The following PCDH7 variants were observed in gnomAD, a reference collection of about 807,000 sequenced individuals.
The protein encoded by PCDH7 is protocadherin-7.
PCDH7 carries 17 observed loss-of-function variants against 58.9 expected under a neutral mutation model. That is an observed-to-expected ratio of 0.29 (90% CI 0.20 to 0.43). The LOEUF (loss-of-function observed/expected upper bound fraction) is 0.43, where lower values mean the gene tolerates loss of function less well. Ranked by LOEUF, PCDH7 falls within the 20% of genes least tolerant of loss-of-function variation. The probability of loss-of-function intolerance (pLI) is 1.00; values close to 1 mark genes in which losing one functional copy is unlikely to be tolerated. For synonymous variants in PCDH7, 664 were observed against 616.4 expected (o/e 1.08, Z -1.14); for missense variants, 1,274 against 1,441.0 (o/e 0.88, Z 1.88).
Position 30,722,475 on chromosome 4 carries a change from C to T in PCDH7, c.1053C>T (p.Thr351=). Reference sequence around the variant, plus strand: ...TCGAATACGTGTTCGGGGCGGCCACCGAGTCGGTGAGGCGGCTGCTGCGCC... The same window carrying T: ...TCGAATACGTGTTCGGGGCGGCCACTGAGTCGGTGAGGCGGCTGCTGCGCC... Residue 351 remains threonine, a synonymous_variant, in exon 1 of 2, where the codon ACC becomes ACT. Coordinates refer to ENST00000361762, the Ensembl canonical transcript of PCDH7. The surrounding 1 kb of genome is among the most constrained non-coding windows in gnomAD (Gnocchi z 7.6). 1 of 1,609,618 alleles carries T rather than the reference C, an allele frequency of 6.2e-7. No homozygotes were observed. The highest frequency in any genetic ancestry group is 8.5e-7 in the Non-Finnish European group (1 of 1,178,360).
intron 1 of PCDH7, among the ~76,000 whole-genome samples, chr4:30,863,339 G>A (rs1199373656): frequency 6.6e-6 from 1 of 151,914 alleles, no homozygotes; most frequent in East Asian, 1.9e-4. Flanking sequence ...TTGCCTCCAG[G>A]GAAACATTTG....
intron 1 of PCDH7, among the ~76,000 whole-genome samples, chr4:30,852,829 GAAAAAAAA>G (rs58210433): frequency 1.3e-5 from 1 of 74,610 alleles, no homozygotes; most frequent in African/African-American, 4.8e-5. Flanking sequence ...TCAAGCACAG[GAAAAAAAA>G]AAAAAAAAAA....
chr4:30,953,901 T>A (rs1306327012), intron 3 of PCDH7, among the ~76,000 whole-genome samples: 1 of 152,114 alleles, frequency 6.6e-6, no homozygotes, highest in Non-Finnish European at 1.5e-5. Context: ...AAAACAAAAA[T>A]TATTTTTTCA....
At chr4:30,977,755 A>G (rs1478958710) in intron 3 of PCDH7, among the ~76,000 whole-genome samples, 1 of 151,944 alleles carries the variant, frequency 6.6e-6, no homozygotes, top group Admixed American at 6.6e-5. Context: ...GCTCTTTATC[A>G]CTCAGCCTAA....
At chr4:30,852,108 T>A (rs1367769491) in intron 1 of PCDH7, among the ~76,000 whole-genome samples, 2 of 152,128 alleles carry the variant, frequency 1.3e-5, no homozygotes, top group East Asian at 1.9e-4. Context: ...TATTTTCTTA[T>A]GTAAGAAGGA....
At chr4:31,009,046 A>G (rs1752986698) in intron 3 of PCDH7, among the ~76,000 whole-genome samples, 1 of 152,154 alleles carries the variant, frequency 6.6e-6, no homozygotes, top group South Asian at 2.1e-4. Context: ...CAGGATAAAG[A>G]GAAATTTGGA....
At chr4:31,129,701 C>T (rs1242239237) in intron 3 of PCDH7, among the ~76,000 whole-genome samples, 2 of 152,026 alleles carry the variant, frequency 1.3e-5, no homozygotes, top group Admixed American at 6.6e-5. Context: ...GGTGCAATCT[C>T]GGCTCACTGC....
intron 3 of PCDH7, among the ~76,000 whole-genome samples, chr4:31,138,792 T>C (rs569039189): frequency 6.6e-6 from 1 of 152,066 alleles, no homozygotes; most frequent in East Asian, 1.9e-4. Flanking sequence ...GTCAACATGG[T>C]GAAACCCCAT....
intron 3 of PCDH7, among the ~76,000 whole-genome samples, chr4:31,052,209 T>C (rs1490823841): frequency 6.6e-6 from 1 of 152,180 alleles, no homozygotes. Flanking sequence ...TTATCGACTT[T>C]AGTTTAAACA....
intron 1 of PCDH7, among the ~76,000 whole-genome samples, chr4:30,820,242 G>C (rs999161434): frequency 6.6e-6 from 1 of 152,154 alleles, no homozygotes; most frequent in African/African-American, 2.4e-5. Context: ...GTGTGTGAGA[G>C]AAAGTCCTTG....
chr4:31,144,983 A>G (rs529263696), downstream of PCDH7: 1 of 152,250 alleles, frequency 6.6e-6, no homozygotes, highest in Non-Finnish European at 1.5e-5. Context: ...ATACTTATGA[A>G]ATGTATACAC....
chr4:31,009,177 T>C (rs1481688921), intron 3 of PCDH7, among the ~76,000 whole-genome samples: 4 of 152,114 alleles, frequency 2.6e-5, no homozygotes, highest in Non-Finnish European at 4.4e-5. Context: ...GTTTTATTTA[T>C]TGTAAATGTA....
At chr4:30,890,777 T>G (rs1407978519) in intron 1 of PCDH7, among the ~76,000 whole-genome samples, 1 of 152,160 alleles carries the variant, frequency 6.6e-6, no homozygotes, top group Non-Finnish European at 1.5e-5. Context: ...CTATTATTTC[T>G]AAGGGTATAT....
At chr4:31,084,809 G>T (rs1267765499) in intron 3 of PCDH7, among the ~76,000 whole-genome samples, 1 of 148,964 alleles carries the variant, frequency 6.7e-6, no homozygotes, top group African/African-American at 2.5e-5. Context: ...GAGACTAGAG[G>T]AGAGGCACCA....
chr4:30,871,065 C>T (rs1404932263), intron 1 of PCDH7, among the ~76,000 whole-genome samples: 1 of 152,052 alleles, frequency 6.6e-6, no homozygotes, highest in Non-Finnish European at 1.5e-5. Flanking sequence ...GTGAACTTTA[C>T]ATTGGTGATG....
chr4:31,062,843 G>A (rs1219311831), intron 3 of PCDH7, among the ~76,000 whole-genome samples: 1 of 151,754 alleles, frequency 6.6e-6, no homozygotes, highest in Non-Finnish European at 1.5e-5. Context: ...AAAACTTCGT[G>A]TTTTTAATTT....
intron 3 of PCDH7, among the ~76,000 whole-genome samples, chr4:30,965,888 T>G (rs1183595542): frequency 6.6e-6 from 1 of 152,114 alleles, no homozygotes. Context: ...GCCAAGTTAT[T>G]ATGGATAATC....
intron 3 of PCDH7, among the ~76,000 whole-genome samples, chr4:31,026,262 C>T (rs1168047347): frequency 6.6e-6 from 1 of 152,150 alleles, no homozygotes; most frequent in Non-Finnish European, 1.5e-5. Context: ...TTTCTAAGTA[C>T]AGTGTCATTT....
chr4:31,023,360 A>G (rs1289574660), intron 3 of PCDH7, among the ~76,000 whole-genome samples: 1 of 152,158 alleles, frequency 6.6e-6, no homozygotes, highest in African/African-American at 2.4e-5. Flanking sequence ...CACTATCCCT[A>G]TTCTTGTCCT....
Sources: gnomAD v4.1 joint callset for allele counts (sites outside exome capture counted in the v4.1 genomes callset) on GRCh38, gnomAD v4.1.1 for gene constraint, Gnocchi (gnomAD v3.1) non-coding constraint, MANE v1.5 for transcripts, NCBI Gene and HGNC (gene_info 2026-07-23, HGNC 2026-07-21) for gene names.